SAMMSON: variants seen among roughly 807,000 people sequenced by gnomAD.
SAMMSON encodes the protein long intergenic non-protein coding RNA 1212.
intron 6 of SAMMSON, among the ~76,000 whole-genome samples, chr3:70,252,104 GC>G (rs1701774858): frequency 6.6e-6 from 1 of 152,186 alleles, no homozygotes; most frequent in African/African-American, 2.4e-5. Flanking sequence ...TGAAGCTGCA[GC>G]TTGAATTCAG....
intron 4 of SAMMSON, among the ~76,000 whole-genome samples, chr3:70,135,596 G>T (rs2067502544): frequency 1.3e-5 from 2 of 152,114 alleles, no homozygotes; most frequent in African/African-American, 4.8e-5. Context: ...GGACATAAAA[G>T]ATAAAAACAC....
intron 3 of SAMMSON, among the ~76,000 whole-genome samples, chr3:70,028,570 G>A (rs1157456): frequency 0.56 from 84,888 of 151,904 alleles, 25,508 homozygotes; most frequent in African/African-American, 0.77. Flanking sequence ...GCATTAGTTG[G>A]AAAAAAATCC....
At chr3:70,352,470 A>G (rs1304849508) in intron 7 of SAMMSON, among the ~76,000 whole-genome samples, 1 of 152,132 alleles carries the variant, frequency 6.6e-6, no homozygotes, top group African/African-American at 2.4e-5. Flanking sequence ...AAGGAAAATA[A>G]GAGAATTTGT....
At chr3:70,158,339 GCATAATGTTTTTGAGGTT>G in intron 4 of SAMMSON, among the ~76,000 whole-genome samples, 1 of 152,158 alleles carries the variant, frequency 6.6e-6, no homozygotes, top group South Asian at 2.1e-4. Flanking sequence ...CTTTCACTGA[GCATAATGTTTTTGAGGTT>G]CATCAGTGCT....
downstream of SAMMSON, among the ~76,000 whole-genome samples, chr3:70,390,925 G>A (rs977594239): frequency 1.3e-5 from 2 of 152,098 alleles, no homozygotes; most frequent in Admixed American, 1.3e-4. Context: ...AAATTTGTAA[G>A]TGTTTGTTGC....
intron 9 of SAMMSON, among the ~76,000 whole-genome samples, chr3:70,365,186 T>C (rs1702911339): frequency 6.6e-6 from 1 of 151,766 alleles, no homozygotes; most frequent in South Asian, 2.1e-4. Flanking sequence ...TGCTCCATGC[T>C]TTTCTTAATA....
intron 4 of SAMMSON, chr3:70,125,542 A>G (rs1438684184): frequency 4.3e-6 from 3 of 696,766 alleles, no homozygotes; most frequent in Non-Finnish European, 7.8e-6. Context: ...CAAATCCTAT[A>G]CTGGATGCAT....
At chr3:70,382,067 G>A (rs4974285) in intron 9 of SAMMSON, among the ~76,000 whole-genome samples, 65,183 of 151,796 alleles carry the variant, frequency 0.43, 14,214 homozygotes, top group Admixed American at 0.5. Context: ...ATAAAATAGC[G>A]TGGTGTTTAA....
At chr3:70,146,550 A>T (rs537092334) in intron 4 of SAMMSON, among the ~76,000 whole-genome samples, 2 of 152,178 alleles carry the variant, frequency 1.3e-5, no homozygotes, top group African/African-American at 4.8e-5. Flanking sequence ...TAATAGCCTA[A>T]ATAAGAAAAT....
chr3:70,155,597 G>C (rs933067845), intron 4 of SAMMSON, among the ~76,000 whole-genome samples: 4 of 152,010 alleles, frequency 2.6e-5, no homozygotes, highest in Admixed American at 2.6e-4. Flanking sequence ...TATACTCAAG[G>C]CATGTTTAAT....
intron 4 of SAMMSON, among the ~76,000 whole-genome samples, chr3:70,094,013 G>A (rs1333022154): frequency 6.6e-6 from 1 of 152,052 alleles, no homozygotes; most frequent in Admixed American, 6.6e-5. Context: ...CTGACTCTGG[G>A]GGCCAACATT....
intron 4 of SAMMSON, among the ~76,000 whole-genome samples, chr3:70,226,270 G>A (rs934545295): frequency 2.0e-5 from 3 of 152,146 alleles, no homozygotes; most frequent in South Asian, 4.1e-4. Context: ...CTCTGCTTTC[G>A]GAATTTGCTC....
At chr3:70,047,707 T>C (rs1053224169) in intron 3 of SAMMSON, among the ~76,000 whole-genome samples, 10 of 152,066 alleles carry the variant, frequency 6.6e-5, no homozygotes, top group African/African-American at 2.4e-4. Context: ...CTGAGACTGG[T>C]TGGCTTACAA....
intron 3 of SAMMSON, among the ~76,000 whole-genome samples, chr3:70,017,362 G>A (rs2066990469): frequency 6.6e-6 from 1 of 152,048 alleles, no homozygotes; most frequent in Admixed American, 6.6e-5. Flanking sequence ...GTGAATGGGA[G>A]TTCACTCATG....
chr3:70,247,553 T>C (rs1257360835), intron 4 of SAMMSON, among the ~76,000 whole-genome samples: 2 of 151,830 alleles, frequency 1.3e-5, no homozygotes, highest in Non-Finnish European at 2.9e-5. Flanking sequence ...TACCAATTTT[T>C]TGATCACATA....
intron 4 of SAMMSON, among the ~76,000 whole-genome samples, chr3:70,135,913 G>C (rs2106677327): frequency 6.9e-6 from 1 of 144,638 alleles, no homozygotes. Context: ...TAGATAATTT[G>C]CTTTTATAAA....
intron 4 of SAMMSON, among the ~76,000 whole-genome samples, chr3:70,175,485 G>A (rs543710843): frequency 5.3e-5 from 8 of 152,152 alleles, no homozygotes; most frequent in African/African-American, 1.9e-4. Context: ...TCACATTAGG[G>A]CTCTGTTAGG....
chr3:70,009,749 C>T (rs1252147358), intron 1 of SAMMSON, among the ~76,000 whole-genome samples: 3 of 150,790 alleles, frequency 2.0e-5, no homozygotes, highest in African/African-American at 4.9e-5. Flanking sequence ...AATTTTAGAT[C>T]TTTCCTGCTT....
intron 9 of SAMMSON, among the ~76,000 whole-genome samples, chr3:70,372,064 A>G (rs1473743692): frequency 6.6e-6 from 1 of 152,130 alleles, no homozygotes; most frequent in Non-Finnish European, 1.5e-5. Flanking sequence ...ATTTCATAAA[A>G]TGCTTTTTAT....
Sources: allele counts gnomAD v4.1 joint callset (sites outside exome capture counted in the v4.1 genomes callset), GRCh38; gene constraint gnomAD v4.1.1; transcripts MANE v1.5; gene names NCBI Gene and HGNC (gene_info 2026-07-23, HGNC 2026-07-21).